GARNL3: variants seen among roughly 807,000 people sequenced by gnomAD.
The protein encoded by GARNL3 is GTPase activating Rap/RanGAP domain like 3, also known as GTPase-activating Rap/Ran-GAP domain-like protein 3.
Under a neutral mutation model 125.0 loss-of-function variants are expected in GARNL3, and 63 were observed. The ratio of observed to expected loss-of-function variants is 0.50; its 90% CI spans 0.41 to 0.62. The LOEUF (loss-of-function observed/expected upper bound fraction) is 0.62, where lower values mean the gene tolerates loss of function less well. Among genes scored for constraint, GARNL3 ranks in the 20% least tolerant of loss-of-function variants. GARNL3 has a pLI of 0.00. For missense variants in GARNL3, 994 were observed against 1,244.0 expected, an observed-to-expected ratio of 0.80 and a Z score of 3.02; for synonymous variants, 439 against 457.5, an observed-to-expected ratio of 0.96 and a Z score of 0.52.
At chr9:127,382,481 G>A (rs1263820437) in intron 22 of GARNL3, among the ~76,000 whole-genome samples, 1 of 151,912 alleles carries the variant, frequency 6.6e-6, no homozygotes, top group Non-Finnish European at 1.5e-5. Context: ...GTGTGCTGGT[G>A]TGCACCTGTA....
intron 1 of GARNL3, among the ~76,000 whole-genome samples, chr9:127,288,519 A>G (rs922739574): frequency 6.6e-6 from 1 of 152,172 alleles, no homozygotes; most frequent in African/African-American, 2.4e-5. Flanking sequence ...CATCAAGGTG[A>G]CAGATGATGG....
At chr9:127,231,046 A>ATT (rs1400588484) in intron 1 of GARNL3, among the ~76,000 whole-genome samples, 7 of 45,246 alleles carry the variant, frequency 1.5e-4, no homozygotes, top group African/African-American at 5.0e-4. Context: ...ATATATATAT[A>ATT]TATATTTTTT....
intron 1 of GARNL3, among the ~76,000 whole-genome samples, chr9:127,230,706 C>T (rs2062985305): frequency 6.6e-6 from 1 of 151,082 alleles, no homozygotes; most frequent in South Asian, 2.1e-4. Context: ...CAACCTTTTC[C>T]TCCCCTTGCC....
chr9:127,256,052 A>G (rs1017134120), intron 2 of GARNL3, among the ~76,000 whole-genome samples: 18 of 152,236 alleles, frequency 1.2e-4, no homozygotes, highest in African/African-American at 4.3e-4. Flanking sequence ...TAAGGGAGGT[A>G]TGCCACAACA....
upstream of GARNL3, chr9:127,264,691 G>T: frequency 8.2e-7 from 1 of 1,219,538 alleles, no homozygotes; most frequent in Non-Finnish European, 1.0e-6. Flanking sequence ...GATTCCAAAT[G>T]ACTAAATATT....
Position 127,311,753 on chromosome 9 carries a change from G to A in GARNL3, c.319+18G>A, listed in dbSNP as rs2065103730. 2.0e-6 allele frequency: 3 copies of A among 1,519,496 alleles called. No individual in the cohort carries two copies. Among genetic ancestry groups the A allele is most frequent in the Non-Finnish European group, 2.7e-6 (3 of 1,094,250 alleles). 94.1% of individuals were successfully genotyped at this position (1,519,496 alleles called of 1,614,324 possible). The stretch of plus-strand genomic sequence containing the variant: ...AGGACAAGGTAATTATGCTATTGTG[G>A]TGGTAGGGAAGAAAGGGTATTCAAA... On this transcript the variant is annotated intron_variant, in intron 3 of 27. Coordinates refer to ENST00000373387, the MANE Select transcript of GARNL3 (RefSeq NM_032293.5).
At chr9:127,360,055 C>T (rs1830903165) in intron 21 of GARNL3, among the ~76,000 whole-genome samples, 1 of 152,140 alleles carries the variant, frequency 6.6e-6, no homozygotes, top group Non-Finnish European at 1.5e-5. Flanking sequence ...GAGTCTCGCT[C>T]TGTCGCCCAG....
At chr9:127,306,951 C>T (rs2064974365) in intron 2 of GARNL3, among the ~76,000 whole-genome samples, 1 of 152,010 alleles carries the variant, frequency 6.6e-6, no homozygotes, top group African/African-American at 2.4e-5. Context: ...CAGCAGGCCT[C>T]ATAAATACTG....
chr9:127,351,996 C>G (rs1830445548), intron 17 of GARNL3, among the ~76,000 whole-genome samples: 1 of 152,228 alleles, frequency 6.6e-6, no homozygotes, highest in South Asian at 2.1e-4. Flanking sequence ...AGATTAAGTG[C>G]TAATTCACTC....
At chr9:127,381,134 C>T (rs1832233952) in intron 22 of GARNL3, among the ~76,000 whole-genome samples, 1 of 109,692 alleles carries the variant, frequency 9.1e-6, no homozygotes, top group Non-Finnish European at 2.1e-5. Context: ...ACCTCGGCTT[C>T]CCAAAAGTGC....
chr9:127,299,294 C>A (rs1231934708), intron 2 of GARNL3, among the ~76,000 whole-genome samples: 1 of 124,382 alleles, frequency 8.0e-6, no homozygotes, highest in East Asian at 2.3e-4. Flanking sequence ...GGCAACAGTG[C>A]GAGACTCCGT....
chr9:127,283,090 A>C (rs2064145694), intron 1 of GARNL3, among the ~76,000 whole-genome samples: 1 of 152,190 alleles, frequency 6.6e-6, no homozygotes, highest in Non-Finnish European at 1.5e-5. Context: ...CTGAGATTAG[A>C]CCAAGGCCTC....
chr9:127,274,043 G>C (rs374843967), intron 1 of GARNL3, among the ~76,000 whole-genome samples: 1 of 152,086 alleles, frequency 6.6e-6, no homozygotes, highest in African/African-American at 2.4e-5. Flanking sequence ...ATATATTTAA[G>C]TAAGCTGCTT....
intron 22 of GARNL3, among the ~76,000 whole-genome samples, chr9:127,367,793 A>G (rs944912119): frequency 6.6e-6 from 1 of 152,150 alleles, no homozygotes; most frequent in Non-Finnish European, 1.5e-5. Context: ...TTTTGATGCG[A>G]TCATATTTAA....
chr9:127,313,854 A>G (rs1366396039), intron 4 of GARNL3, among the ~76,000 whole-genome samples: 1 of 152,134 alleles, frequency 6.6e-6, no homozygotes. Flanking sequence ...TCTTTTGGGC[A>G]AAGAATCAAG....
chr9:127,319,411 G>C (rs772089355), intron 5 of GARNL3, among the ~76,000 whole-genome samples: 20 of 152,116 alleles, frequency 1.3e-4, no homozygotes, highest in Non-Finnish European at 2.5e-4. Context: ...GAACCTGGGA[G>C]GTGGAGGGTG....
rs1443291598 is a variant in GARNL3 at position 127,311,751 on chromosome 9, T to C, written c.319+16T>C. The C allele has an allele frequency of 1.4e-5, 21 of 1,525,448 alleles. No individual in the cohort carries two copies. Among genetic ancestry groups the C allele is most frequent in the Non-Finnish European group, 1.9e-5 (21 of 1,099,714 alleles). The allele number at this position is 1,525,448 out of a possible 1,614,324, so 94.5% of individuals were successfully genotyped here. A position where few individuals can be genotyped will look rare whatever the true frequency, so the allele number is the denominator to read the frequency against. On this transcript the variant is annotated intron_variant, in intron 3 of 27. Transcript: ENST00000373387. ...TTAGGACAAGGTAATTATGCTATTG[T>C]GGTGGTAGGGAAGAAAGGGTATTCA...
At chr9:127,276,645 A>T (rs549140523) in intron 1 of GARNL3, among the ~76,000 whole-genome samples, 20 of 152,208 alleles carry the variant, frequency 1.3e-4, no homozygotes, top group Non-Finnish European at 2.5e-4. Flanking sequence ...CCCCAAGCTG[A>T]ACTCACCCTG....
At chr9:127,380,357 A>C (rs905552947) in intron 22 of GARNL3, among the ~76,000 whole-genome samples, 2 of 152,152 alleles carry the variant, frequency 1.3e-5, no homozygotes, top group African/African-American at 4.8e-5. Flanking sequence ...CAAAGCTCAT[A>C]AAGATGTAGA....
Sources: allele counts gnomAD v4.1 joint callset (sites outside exome capture counted in the v4.1 genomes callset), GRCh38; gene constraint gnomAD v4.1.1; transcripts MANE v1.5; gene names NCBI Gene and HGNC (gene_info 2026-07-23, HGNC 2026-07-21).